Variants in DNAH6 observed in about 807,000 individuals in gnomAD.
DNAH6 encodes axonemal beta dynein heavy chain 6.
Under a neutral mutation model 491.4 loss-of-function variants are expected in DNAH6, and 340 were observed. The observed-to-expected ratio is 0.69, with a 90% confidence interval of 0.63 to 0.76. DNAH6 has a LOEUF of 0.76. DNAH6 is among the 30% of genes least tolerant of loss of function. The pLI is 0.00. For missense variants in DNAH6, 4,443 were observed against 4,972.2 expected, an observed-to-expected ratio of 0.89 and a Z score of 3.20; for synonymous variants, 1,603 against 1,686.1, an observed-to-expected ratio of 0.95 and a Z score of 1.21.
chr2:84,604,208 A>G, intron 18 of DNAH6, 131 bp from the exon 19 acceptor site: 1 of 698,116 alleles, frequency 1.4e-6, no homozygotes, highest in East Asian at 2.7e-5. Context: ...AGTCATCCAG[A>G]TTTTGCTCTG....
chr2:84,753,889 A>G (rs1391042043), intron 63 of DNAH6, among the ~76,000 whole-genome samples: 8 of 150,666 alleles, frequency 5.3e-5, no homozygotes, highest in African/African-American at 1.2e-4. Context: ...CAGTGGCACA[A>G]TCTCAGCTCA....
intron 65 of DNAH6, among the ~76,000 whole-genome samples, chr2:84,783,124 A>C (rs1447462968): frequency 6.6e-6 from 1 of 152,206 alleles, no homozygotes; most frequent in Admixed American, 6.5e-5. Context: ...TGAAAATACA[A>C]AAGGAAGAAA....
intron 37 of DNAH6, among the ~76,000 whole-genome samples, chr2:84,668,497 T>C (rs760726276): frequency 2.0e-5 from 3 of 152,192 alleles, no homozygotes; most frequent in Non-Finnish European, 2.9e-5. Flanking sequence ...CTCACTGGAC[T>C]GTTGCTCTAA....
chr2:84,645,574 T>G (rs1376871923), intron 33 of DNAH6, among the ~76,000 whole-genome samples: 2 of 152,364 alleles, frequency 1.3e-5, no homozygotes, highest in East Asian at 1.9e-4. Flanking sequence ...AAGTGCCTGT[T>G]CATGCACTTT....
At chr2:84,563,549 G>T (rs1022587444) in intron 11 of DNAH6, among the ~76,000 whole-genome samples, 4 of 151,950 alleles carry the variant, frequency 2.6e-5, no homozygotes, top group Non-Finnish European at 4.4e-5. Flanking sequence ...ATTTTTTGAT[G>T]AGGTTGTTTT....
chr2:84,672,845 T>C (rs1311244237), intron 40 of DNAH6, among the ~76,000 whole-genome samples: 3 of 152,210 alleles, frequency 2.0e-5, no homozygotes, highest in African/African-American at 7.2e-5. Context: ...TCTGAGACCC[T>C]GAGTTAGGAC....
chr2:84,481,484 A>G, the DNAH6 span, among the ~76,000 whole-genome samples: 7 of 152,238 alleles, frequency 4.6e-5, no homozygotes, highest in African/African-American at 1.7e-4. Flanking sequence ...AAGAATACAC[A>G]TGGACTTCAC....
chr2:84,738,306 G>GCT (rs1016186419), intron 62 of DNAH6, among the ~76,000 whole-genome samples: 14 of 152,138 alleles, frequency 9.2e-5, no homozygotes, highest in Non-Finnish European at 1.3e-4. Flanking sequence ...ATGCAGATAA[G>GCT]AAGAATGGGT....
intron 37 of DNAH6, among the ~76,000 whole-genome samples, chr2:84,666,927 C>T (rs1357860392): frequency 6.6e-6 from 1 of 152,032 alleles, no homozygotes; most frequent in East Asian, 1.9e-4. Context: ...CCGAACAGAG[C>T]CCTCAGAAAT....
chr2:84,715,729 C>A, intron 58 of DNAH6, 102 bp downstream of exon 58: 1 of 1,103,652 alleles, frequency 9.1e-7, no homozygotes, highest in Non-Finnish European at 1.3e-6. Flanking sequence ...TGTGTAAGAG[C>A]ACTACACATG....
At chr2:84,590,356 G>A (rs963874651) in intron 16 of DNAH6, among the ~76,000 whole-genome samples, 5 of 151,614 alleles carry the variant, frequency 3.3e-5, no homozygotes, top group Non-Finnish European at 5.9e-5. Context: ...TTAGCTGGGC[G>A]TAGTGGCAGG....
chr2:84,590,329 A>G (rs555143268), intron 16 of DNAH6, among the ~76,000 whole-genome samples: 1 of 151,912 alleles, frequency 6.6e-6, no homozygotes, highest in South Asian at 2.1e-4. Flanking sequence ...CCCCATCTCT[A>G]CTAAAAATAC....
chr2:84,465,011 G>A, the DNAH6 span, among the ~76,000 whole-genome samples: 1 of 152,110 alleles, frequency 6.6e-6, no homozygotes, highest in South Asian at 2.1e-4. Flanking sequence ...GGTTGTAGAG[G>A]GGCAAAGATC....
intron 18 of DNAH6, among the ~76,000 whole-genome samples, chr2:84,600,800 C>T (rs993710403): frequency 4.6e-5 from 7 of 151,818 alleles, no homozygotes; most frequent in Non-Finnish European, 5.9e-5. Context: ...CTGCCCTTTC[C>T]ATACTGTATT....
chr2:84,654,643 A>G lies in DNAH6; in HGVS notation c.5635-17A>G. ...TATCATATTAGCTGTTTCCTGTTCA[A>G]TTTTCTTCAACTTTAGGTGCAAGAT... On this transcript the variant is annotated splice_polypyrimidine_tract_variant and intron_variant, in intron 34 of 76. Transcript: ENST00000389394. 2 of 1,550,184 alleles carry G rather than the reference A, an allele frequency of 1.3e-6. No individual in the cohort carries two copies. The highest frequency in any genetic ancestry group is 1.2e-5 in the South Asian group (1 of 83,942).
the DNAH6 span, among the ~76,000 whole-genome samples, chr2:84,490,662 A>G: frequency 1.3e-5 from 2 of 152,142 alleles, no homozygotes; most frequent in Non-Finnish European, 1.5e-5. Context: ...CCCGGGTTCA[A>G]GCAATTCTCC....
At chr2:84,493,145 A>G in the DNAH6 span, among the ~76,000 whole-genome samples, 8 of 152,270 alleles carry the variant, frequency 5.3e-5, no homozygotes, top group African/African-American at 1.9e-4. Context: ...AACTTTATTT[A>G]CAAAAACACA....
chr2:84,549,644 A>G (rs1474942714), intron 8 of DNAH6, among the ~76,000 whole-genome samples: 2 of 152,232 alleles, frequency 1.3e-5, no homozygotes, highest in East Asian at 1.9e-4. Context: ...TAAATATTCT[A>G]TTGAAAAGTT....
chr2:84,736,857 G>C (rs1202383434), intron 62 of DNAH6, among the ~76,000 whole-genome samples: 2 of 151,998 alleles, frequency 1.3e-5, no homozygotes, highest in Non-Finnish European at 2.9e-5. Context: ...AGGACTTCCA[G>C]TACTATATTG....
Sources: allele counts gnomAD v4.1 joint callset (sites outside exome capture counted in the v4.1 genomes callset), GRCh38; gene constraint gnomAD v4.1.1; transcripts MANE v1.5; gene names NCBI Gene and HGNC (gene_info 2026-07-23, HGNC 2026-07-21).